EVA1A: variants seen among roughly 807,000 people sequenced by gnomAD.
The protein encoded by EVA1A is eva-1 homolog A, regulator of programmed cell death, also known as protein eva-1 homolog A.
EVA1A carries 7 observed loss-of-function variants against 9.8 expected under a neutral mutation model. The observed-to-expected ratio is 0.71, with a 90% CI of 0.41 to 1.34. EVA1A has a LOEUF of 1.34. Ranked by LOEUF, EVA1A falls within the 40% of genes most tolerant of loss-of-function variation. EVA1A has a pLI of 0.01. For missense variants in EVA1A, 206 were observed against 205.9 expected, an observed-to-expected ratio of 1.00 and a Z score of 0.00; for synonymous variants, 90 against 85.6, an observed-to-expected ratio of 1.05 and a Z score of -0.28.
intron 3 of EVA1A, among the ~76,000 whole-genome samples, chr2:75,505,122 C>A (rs867895874): frequency 1.3e-5 from 2 of 152,266 alleles, no homozygotes; most frequent in African/African-American, 4.8e-5. Context: ...TAGAACTCAA[C>A]GGACTAGGCA....
chr2:75,533,548 T>C (rs564232736), intron 1 of EVA1A, among the ~76,000 whole-genome samples: 1 of 152,238 alleles, frequency 6.6e-6, no homozygotes, highest in Admixed American at 6.5e-5. Flanking sequence ...AAAGCACAAA[T>C]ATAGGTAAAT....
At chr2:75,544,306 G>A (rs958660643) in intron 1 of EVA1A, among the ~76,000 whole-genome samples, 2 of 152,192 alleles carry the variant, frequency 1.3e-5, no homozygotes, top group African/African-American at 4.8e-5. Context: ...TCCCTGGAAT[G>A]TATGCTCTTA....
chr2:75,540,454 G>A (rs1300094955), intron 1 of EVA1A, among the ~76,000 whole-genome samples: 1 of 152,166 alleles, frequency 6.6e-6, no homozygotes, highest in Non-Finnish European at 1.5e-5. Context: ...CTGTCCTAAA[G>A]TTTCATTGTA....
intron 1 of EVA1A, among the ~76,000 whole-genome samples, chr2:75,539,347 C>T (rs1676030761): frequency 6.6e-6 from 1 of 152,148 alleles, no homozygotes. Context: ...GGCTGATATA[C>T]AAGAAAGTGC....
chr2:75,564,507 T>C (rs1427338771), upstream of EVA1A, among the ~76,000 whole-genome samples: 2 of 152,120 alleles, frequency 1.3e-5, no homozygotes, highest in African/African-American at 4.8e-5. Flanking sequence ...GGAACCACAA[T>C]CCGCCCACAC....
chr2:75,564,645 G>A (rs746668255), upstream of EVA1A, among the ~76,000 whole-genome samples: 17 of 152,162 alleles, frequency 1.1e-4, no homozygotes, highest in Admixed American at 1.3e-4. Flanking sequence ...CCTCAGTGGC[G>A]CAAATGTCGT....
chr2:75,497,334 A>G (rs1273328079), intron 3 of EVA1A, among the ~76,000 whole-genome samples: 1 of 152,206 alleles, frequency 6.6e-6, no homozygotes, highest in Non-Finnish European at 1.5e-5. Flanking sequence ...AAAATTGAGT[A>G]AGCAAAAAAT....
At chr2:75,508,688 A>T (rs990464364) in intron 3 of EVA1A, among the ~76,000 whole-genome samples, 1 of 151,926 alleles carries the variant, frequency 6.6e-6, no homozygotes, top group Admixed American at 6.6e-5. Context: ...ACCTATTTGC[A>T]CACTCCCTCC....
At chr2:75,515,505 T>C (rs990880348) in intron 3 of EVA1A, among the ~76,000 whole-genome samples, 3 of 152,190 alleles carry the variant, frequency 2.0e-5, no homozygotes, top group African/African-American at 7.2e-5. Flanking sequence ...CCTGGCTAGA[T>C]TAGAACTGGA....
rs1674079833 is a variant in EVA1A at position 75,492,910 on chromosome 2, C to T, written c.*326G>A. ...CCTTTTGCAAAGGAATAACACAGAG[C>T]AAGGAAGTCTGCTGAAACTTCTGAG... On this transcript the variant is annotated 3_prime_UTR_variant, in exon 4 of 4. Coordinates refer to ENST00000393913, the MANE Select transcript of EVA1A (RefSeq NM_001135032.2). The T allele has an allele frequency of 6.1e-6, 2 of 330,246 alleles. No individual in the cohort carries two copies. Among genetic ancestry groups the T allele is most frequent in the Non-Finnish European group, 1.1e-5 (2 of 180,406 alleles). 20.5% of individuals were successfully genotyped at this position (330,246 alleles called of 1,614,324 possible). A position where few individuals can be genotyped will look rare whatever the true frequency, so the allele number is the denominator to read the frequency against.
chr2:75,514,508 T>C, intron 3 of EVA1A, among the ~76,000 whole-genome samples: 1 of 152,300 alleles, frequency 6.6e-6, no homozygotes, highest in South Asian at 2.1e-4. Context: ...TAAAATAACA[T>C]TTCTTATGAA....
intron 1 of EVA1A, among the ~76,000 whole-genome samples, chr2:75,550,990 G>A (rs1222951120): frequency 6.6e-6 from 1 of 152,168 alleles, no homozygotes; most frequent in African/African-American, 2.4e-5. Flanking sequence ...AGGCATAGTA[G>A]TGTGTGTCTG....
At chr2:75,501,052 G>A (rs1218849147) in intron 3 of EVA1A, among the ~76,000 whole-genome samples, 1 of 149,888 alleles carries the variant, frequency 6.7e-6, no homozygotes, top group African/African-American at 2.4e-5. Context: ...GGCACTCAAG[G>A]CTGTCAGAAA....
chr2:75,567,222 A>C (rs1277060418), intron 1 of EVA1A, among the ~76,000 whole-genome samples: 1 of 152,240 alleles, frequency 6.6e-6, no homozygotes, highest in Admixed American at 6.5e-5. Context: ...AAATTGAGAT[A>C]TCACACTACA....
chr2:75,497,547 T>G (rs746604006), intron 3 of EVA1A, among the ~76,000 whole-genome samples: 21 of 151,922 alleles, frequency 1.4e-4, no homozygotes, highest in Admixed American at 5.9e-4. Context: ...TTGACAAAGT[T>G]GTGCATAAAA....
At chr2:75,520,455 T>C (rs1050099185) in intron 2 of EVA1A, among the ~76,000 whole-genome samples, 1 of 152,196 alleles carries the variant, frequency 6.6e-6, no homozygotes, top group Non-Finnish European at 1.5e-5. Context: ...TATAAATCTA[T>C]AGTAATCAAA....
intron 1 of EVA1A, among the ~76,000 whole-genome samples, chr2:75,528,997 C>T (rs1293905924): frequency 2.0e-5 from 3 of 152,206 alleles, no homozygotes; most frequent in African/African-American, 7.2e-5. Context: ...ATAACCAGCA[C>T]TTAAGAAAAC....
At chr2:75,518,993 C>A (rs1292493702) in intron 2 of EVA1A, among the ~76,000 whole-genome samples, 1 of 152,202 alleles carries the variant, frequency 6.6e-6, no homozygotes, top group Non-Finnish European at 1.5e-5. Flanking sequence ...GTAGAACACA[C>A]ACATGGCCCA....
chr2:75,549,006 A>ATT (rs1401768012), intron 1 of EVA1A, among the ~76,000 whole-genome samples: 6 of 126,250 alleles, frequency 4.8e-5, no homozygotes, highest in Non-Finnish European at 9.6e-5. Context: ...ATATATATAT[A>ATT]TATTTTTTTT....
Sources: allele counts gnomAD v4.1 joint callset (sites outside exome capture counted in the v4.1 genomes callset), GRCh38; gene constraint gnomAD v4.1.1; transcripts MANE v1.5; gene names NCBI Gene and HGNC (gene_info 2026-07-23, HGNC 2026-07-21).